Variants in PTPRN2 observed in about 807,000 individuals in gnomAD.
PTPRN2 encodes protein tyrosine phosphatase receptor type N2, also known as receptor-type tyrosine-protein phosphatase N2.
PTPRN2 carries 74 observed loss-of-function variants against 118.8 expected under a neutral mutation model. The ratio of observed to expected loss-of-function variants is 0.62; its 90% CI spans 0.52 to 0.76. The LOEUF is 0.76. Ranked by LOEUF, PTPRN2 falls within the 30% of genes least tolerant of loss-of-function variation. The pLI is 0.00. For synonymous variants in PTPRN2, 641 were observed against 608.0 expected, an observed-to-expected ratio of 1.05 and a Z score of -0.80; for missense variants, 1,481 against 1,394.4, an observed-to-expected ratio of 1.06 and a Z score of -0.99.
chr7:157,781,530 T>C (rs1479919858), intron 12 of PTPRN2, among the ~76,000 whole-genome samples: 1 of 152,180 alleles, frequency 6.6e-6, no homozygotes, highest in Non-Finnish European at 1.5e-5. Context: ...CTAAGAAAAC[T>C]TCCACTTTTT....
chr7:158,110,218 C>A (rs1422699603), intron 10 of PTPRN2, among the ~76,000 whole-genome samples: 1 of 152,248 alleles, frequency 6.6e-6, no homozygotes, highest in African/African-American at 2.4e-5. Context: ...AGCTTCTGCA[C>A]TCAGCCATCT....
rs150999743 is a variant in PTPRN2 at position 157,557,871 on chromosome 7, A to T, written c.2903-8852T>A. Among the ~76,000 whole-genome samples, 415 of 151,938 alleles carry T rather than the reference A, an allele frequency of 2.7e-3. 2 individuals carry two copies. Among genetic ancestry groups the T allele is most frequent in the African/African-American group, 9.5e-3 (394 of 41,380 alleles). ...ATGCCTCCAGATCCTTATTAAAAATATAAGTTAAAGAAAATGTAGAAGTGT... is the reference window on the plus strand; with the variant it reads ...ATGCCTCCAGATCCTTATTAAAAATTTAAGTTAAAGAAAATGTAGAAGTGT... On this transcript the variant is annotated intron_variant, in intron 21 of 22. Coordinates refer to ENST00000389418, the MANE Select transcript of PTPRN2 (RefSeq NM_002847.5).
intron 2 of PTPRN2, among the ~76,000 whole-genome samples, chr7:158,422,896 T>C (rs1002456861): frequency 1.1e-4 from 16 of 152,376 alleles, no homozygotes; most frequent in South Asian, 4.1e-4. Flanking sequence ...GTAATTTGCA[T>C]GGTCAGTAGA....
In PTPRN2 at chr7:157,600,387, T is replaced by C. The variant is rs1416669708; in HGVS notation, c.2418+3615A>G. ...AATACTAAGGCTTAATATGGGAATTTATTGGGAAATTGTAGCTTCAGTAAT... is the reference window on the plus strand; with the variant it reads ...AATACTAAGGCTTAATATGGGAATTCATTGGGAAATTGTAGCTTCAGTAAT... On this transcript the variant is annotated intron_variant, in intron 16 of 22. Transcript: ENST00000389418. Among the ~76,000 whole-genome samples the C allele has an allele frequency of 2.0e-5, 3 of 152,262 alleles. No individual in the cohort carries two copies. In the East Asian group the frequency reaches 5.8e-4, roughly 29 times the overall value.
At chr7:158,201,045 GA>G (rs201159840) in intron 4 of PTPRN2, among the ~76,000 whole-genome samples, 5 of 139,210 alleles carry the variant, frequency 3.6e-5, no homozygotes, top group Admixed American at 7.3e-5. Context: ...TTACAAGGGT[GA>G]AAAAAAAGTG....
At chr7:158,083,993 C>T (rs1202693132) in intron 10 of PTPRN2, among the ~76,000 whole-genome samples, 2 of 152,266 alleles carry the variant, frequency 1.3e-5, no homozygotes, top group Non-Finnish European at 2.9e-5. Context: ...AGGTCTAACT[C>T]CATGAGTCAC....
chr7:157,794,509 C>T lies in PTPRN2; in HGVS notation c.1788+104164G>A, dbSNP rs1454185056. Among the ~76,000 whole-genome samples the T allele has an allele frequency of 2.6e-5, 4 of 152,230 alleles. No homozygotes were observed. Among genetic ancestry groups the T allele is most frequent in the Non-Finnish European group, 5.9e-5 (4 of 68,044 alleles). The stretch of plus-strand genomic sequence containing the variant: ...GGATAAGTATGAAAATAGGCTCTCC[C>T]TCTCTGAGTCAAAGGAGGCAATTAT... On this transcript the variant is annotated intron_variant, in intron 12 of 22. Transcript: ENST00000389418. The surrounding 1 kb of genome is among the most constrained non-coding windows in gnomAD (Gnocchi z 5.2).
At chr7:157,850,451 C>T (rs1468305933) in intron 12 of PTPRN2, among the ~76,000 whole-genome samples, 2 of 152,128 alleles carry the variant, frequency 1.3e-5, no homozygotes, top group African/African-American at 2.4e-5. Flanking sequence ...GCCTCACGCT[C>T]GCATAAGGGA....
intron 2 of PTPRN2, among the ~76,000 whole-genome samples, chr7:158,483,914 G>A (rs1276434110): frequency 6.6e-6 from 1 of 152,034 alleles, no homozygotes; most frequent in Non-Finnish European, 1.5e-5. Context: ...AAGGTGGGAG[G>A]ACCACTTGAG....
At chr7:158,238,764 A>C (rs1282193822) in intron 3 of PTPRN2, among the ~76,000 whole-genome samples, 1 of 152,090 alleles carries the variant, frequency 6.6e-6, no homozygotes, top group Non-Finnish European at 1.5e-5. Context: ...TTCAGTCCTG[A>C]GGGGCAGACC....
intron 12 of PTPRN2, among the ~76,000 whole-genome samples, chr7:157,839,615 T>C (rs1808223343): frequency 6.6e-6 from 1 of 151,612 alleles, no homozygotes; most frequent in Non-Finnish European, 1.5e-5. Flanking sequence ...CAAGGGCCTG[T>C]GTGGGAATGT....
At chr7:157,625,273 T>C (rs917325220) in intron 14 of PTPRN2, among the ~76,000 whole-genome samples, 1 of 152,230 alleles carries the variant, frequency 6.6e-6, no homozygotes, top group Non-Finnish European at 1.5e-5. Context: ...AAAAATATAC[T>C]TGCACATGCA....
intron 10 of PTPRN2, among the ~76,000 whole-genome samples, chr7:158,101,296 G>A (rs1160721450): frequency 6.6e-6 from 1 of 152,146 alleles, no homozygotes; most frequent in Non-Finnish European, 1.5e-5. Flanking sequence ...CAAAAATGGT[G>A]CTGGGATAAT....
At chr7:157,758,186 G>A (rs1292414987) in intron 12 of PTPRN2, among the ~76,000 whole-genome samples, 1 of 152,244 alleles carries the variant, frequency 6.6e-6, no homozygotes, top group Non-Finnish European at 1.5e-5. Context: ...GGAAGAAAAG[G>A]GCCGGTGTCG....
intron 12 of PTPRN2, among the ~76,000 whole-genome samples, chr7:157,714,414 T>G (rs1175205019): frequency 6.6e-6 from 1 of 152,192 alleles, no homozygotes; most frequent in Non-Finnish European, 1.5e-5. Context: ...CCTCAGTCTT[T>G]CCCGGCAGCT....
chr7:158,340,419 ACACACACACTCTCAC>A (rs1563174059), intron 2 of PTPRN2, among the ~76,000 whole-genome samples: 10 of 62,558 alleles, frequency 1.6e-4, no homozygotes, highest in Non-Finnish European at 2.0e-4. Context: ...GACGTCACTC[ACACACACACTCTCAC>A]CGTAAGAGCT....
chr7:158,301,662 C>T (rs1455592367), intron 3 of PTPRN2, among the ~76,000 whole-genome samples: 1 of 152,114 alleles, frequency 6.6e-6, no homozygotes, highest in Non-Finnish European at 1.5e-5. Context: ...AAGAACAATC[C>T]CATTTGCTGG....
intron 11 of PTPRN2, among the ~76,000 whole-genome samples, chr7:158,044,338 G>A (rs1014507543): frequency 5.3e-5 from 8 of 152,164 alleles, no homozygotes; most frequent in African/African-American, 9.7e-5. Flanking sequence ...GGTGGGGGGC[G>A]TCCTCACTGC....
chr7:157,599,839 G>C (rs1801559340), intron 16 of PTPRN2, among the ~76,000 whole-genome samples: 1 of 146,190 alleles, frequency 6.8e-6, no homozygotes, highest in South Asian at 2.1e-4. Flanking sequence ...ATTTCTACCT[G>C]CCCACCTCTC....
Sources: gnomAD v4.1 joint callset for allele counts (sites outside exome capture counted in the v4.1 genomes callset) on GRCh38, gnomAD v4.1.1 for gene constraint, Gnocchi (gnomAD v3.1) non-coding constraint, MANE v1.5 for transcripts, NCBI Gene and HGNC (gene_info 2026-07-23, HGNC 2026-07-21) for gene names.